The following PSKH1 variants were observed in gnomAD, a reference collection of about 807,000 sequenced individuals.
PSKH1 encodes the protein serine/threonine-protein kinase H1.
PSKH1 carries 12 observed loss-of-function variants against 26.7 expected under a neutral mutation model. That is an observed-to-expected ratio of 0.45 (90% confidence interval 0.29 to 0.73). The LOEUF (loss-of-function observed/expected upper bound fraction) is 0.73. Ranked by LOEUF, PSKH1 falls within the 30% of genes least tolerant of loss-of-function variation. The pLI is 0.11. For synonymous variants in PSKH1, 213 were observed against 234.3 expected, an observed-to-expected ratio of 0.91 and a Z score of 0.83; for missense variants, 431 against 595.2, an observed-to-expected ratio of 0.72 and a Z score of 2.87.
rs770694440 is a variant in PSKH1 at position 67,909,369 on chromosome 16, G to A, written c.620G>A (p.Arg207Gln). 12 of 1,613,906 alleles carry A rather than the reference G, an allele frequency of 7.4e-6. 1 individual carries two copies. The highest frequency in any genetic ancestry group is 6.6e-5 in the South Asian group (6 of 91,074). The part of the protein sequence containing the change: ...RVLQMVLDGV[R>Q]YLHALGITHR... ...CTGCAGATGGTGCTGGATGGCGTCC[G>A]GTATCTGCATGCACTGGGCATCACA... The change falls in exon 2 of 3, where the codon CGG (arginine) becomes CAG (glutamine). Residue 207 changes from arginine (R) to glutamine (Q), a missense_variant. Coordinates refer to ENST00000291041, the MANE Select transcript of PSKH1 (RefSeq NM_006742.3). The surrounding 1 kb of genome is among the most constrained non-coding windows in gnomAD (Gnocchi z 7.8).
In PSKH1 at chr16:67,908,735, G is replaced by A; in HGVS notation, c.-15G>A. On this transcript the variant is annotated 5_prime_UTR_variant, in exon 2 of 3. It removes an upstream start codon present in the reference 5' UTR. Coordinates refer to ENST00000291041, the MANE Select transcript of PSKH1 (RefSeq NM_006742.3). ...TCCTGCCAGCCTCGCTGGAGAGGATGCCCTCGTGTCCGTGATGGGCTGTGG... is the reference window on the plus strand; with the variant it reads ...TCCTGCCAGCCTCGCTGGAGAGGATACCCTCGTGTCCGTGATGGGCTGTGG... 1.3e-6 allele frequency: 2 copies of A among 1,561,446 alleles called. No individual in the cohort carries two copies. Among genetic ancestry groups the A allele is most frequent in the Non-Finnish European group, 1.7e-6 (2 of 1,149,740 alleles).
chr16:67,900,862 T>C (rs776236790), intron 1 of PSKH1, among the ~76,000 whole-genome samples: 1 of 152,122 alleles, frequency 6.6e-6, no homozygotes, highest in Non-Finnish European at 1.5e-5. Flanking sequence ...TGAAGCTTCC[T>C]TACTCATCCT....
intron 1 of PSKH1, among the ~76,000 whole-genome samples, chr16:67,894,877 G>A (rs2058121640): frequency 6.6e-6 from 1 of 151,276 alleles, no homozygotes; most frequent in South Asian, 2.1e-4. Context: ...AATCTCCTGG[G>A]ATAATTTTGT....
chr16:67,902,259 CAAAA>C (rs1033235931), intron 1 of PSKH1, among the ~76,000 whole-genome samples: 1 of 126,856 alleles, frequency 7.9e-6, no homozygotes, highest in East Asian at 2.2e-4. Context: ...GACTCCATCT[CAAAA>C]AAAAAAAAAG....
chr16:67,919,298 CTT>C (rs1178443652), intron 2 of PSKH1, among the ~76,000 whole-genome samples: 1 of 152,232 alleles, frequency 6.6e-6, no homozygotes, highest in Non-Finnish European at 1.5e-5. Flanking sequence ...GCTCAACTCT[CTT>C]CTCACTGACC....
intron 1 of PSKH1, among the ~76,000 whole-genome samples, chr16:67,900,604 T>C (rs1192945637): frequency 6.6e-6 from 1 of 152,150 alleles, no homozygotes; most frequent in Non-Finnish European, 1.5e-5. Context: ...CCAGGATATT[T>C]GGTCACCACC....
chr16:67,897,035 A>G (rs1444784201), intron 1 of PSKH1, among the ~76,000 whole-genome samples: 2 of 152,174 alleles, frequency 1.3e-5, no homozygotes, highest in Non-Finnish European at 2.9e-5. Flanking sequence ...AATATGGGCA[A>G]CTTAGGTCCT....
At chr16:67,908,102 C>T (rs1458012613) in intron 1 of PSKH1, among the ~76,000 whole-genome samples, 1 of 152,168 alleles carries the variant, frequency 6.6e-6, no homozygotes. Flanking sequence ...ATGCGTGTTC[C>T]TGCCCCCTCT....
At chr16:67,897,570 G>A (rs542973980) in intron 1 of PSKH1, among the ~76,000 whole-genome samples, 5 of 152,274 alleles carry the variant, frequency 3.3e-5, no homozygotes, top group South Asian at 2.1e-4. Flanking sequence ...GACTATGGCC[G>A]CCTTCTTTTT....
chr16:67,905,301 C>T (rs1429287244), intron 1 of PSKH1, among the ~76,000 whole-genome samples: 1 of 152,180 alleles, frequency 6.6e-6, no homozygotes, highest in Non-Finnish European at 1.5e-5. Flanking sequence ...TGCTGACCTT[C>T]TATAACTTCA....
intron 2 of PSKH1, among the ~76,000 whole-genome samples, chr16:67,912,666 C>T (rs1462825032): frequency 3.9e-5 from 6 of 152,008 alleles, no homozygotes; most frequent in East Asian, 1.9e-4. Context: ...GTTGGGAGTT[C>T]GAGACCAGCC....
rs1567399100 is a variant in PSKH1 at position 67,908,732 on chromosome 16, G to T, written c.-18G>T. ...AGGTCCTGCCAGCCTCGCTGGAGAG[G>T]ATGCCCTCGTGTCCGTGATGGGCTG... On this transcript the variant is annotated 5_prime_UTR_variant, in exon 2 of 3. Transcript: ENST00000291041. The T allele has an allele frequency of 6.4e-7, 1 of 1,559,530 alleles. No individual in the cohort carries two copies. The highest frequency in any genetic ancestry group is 2.3e-5 in the East Asian group (1 of 44,368).
In PSKH1 at chr16:67,909,808, G is replaced by A. The variant is rs1261612606; in HGVS notation, c.957+102G>A. On this transcript the variant is annotated intron_variant, in intron 2 of 2. Transcript: ENST00000291041. The surrounding 1 kb of genome is among the most constrained non-coding windows in gnomAD (Gnocchi z 7.8). The stretch of plus-strand genomic sequence containing the variant: ...GAGGTATGTCCTCAGGGCCATGCTC[G>A]TGAGGGCCAGGCAGGTCATATAAAA... 21 of 1,084,018 alleles carry A rather than the reference G, an allele frequency of 1.9e-5. No individual in the cohort carries two copies. The East Asian group carries it at 3.9e-4, about 20-fold the overall frequency. The allele number at this position is 1,084,018 out of a possible 1,614,324, so 67.1% of individuals were successfully genotyped here.
At chr16:67,915,935 A>T (rs1180886553) in intron 2 of PSKH1, among the ~76,000 whole-genome samples, 1 of 152,202 alleles carries the variant, frequency 6.6e-6, no homozygotes, top group African/African-American at 2.4e-5. Flanking sequence ...TTGCCTGGGG[A>T]GAAGGAACTA....
chr16:67,893,259 G>T lies in PSKH1; in HGVS notation c.-183G>T, dbSNP rs1189874528. On this transcript the variant is annotated 5_prime_UTR_variant, in exon 1 of 3. Transcript: ENST00000291041. Reference sequence around the variant, plus strand: ...CAGCTGCGCGCTGTGATGACGCCACGACGCTAACGCCCGAGAATGGCGGCG... The same window carrying T: ...CAGCTGCGCGCTGTGATGACGCCACTACGCTAACGCCCGAGAATGGCGGCG... The T allele has an allele frequency of 1.3e-5, 2 of 156,262 alleles. No individual in the cohort carries two copies. The highest frequency in any genetic ancestry group is 1.8e-4 in the South Asian group (1 of 5,604). The allele number at this position is 156,262 out of a possible 1,614,324, so 9.7% of individuals were successfully genotyped here.
At chr16:67,907,823 G>A (rs960905838) in intron 1 of PSKH1, among the ~76,000 whole-genome samples, 1 of 152,116 alleles carries the variant, frequency 6.6e-6, no homozygotes, top group Non-Finnish European at 1.5e-5. Flanking sequence ...GTGGTTTGTT[G>A]CTTGTTACAG....
At chr16:67,921,009 G>T (rs1344024521) in intron 2 of PSKH1, among the ~76,000 whole-genome samples, 1 of 151,678 alleles carries the variant, frequency 6.6e-6, no homozygotes, top group African/African-American at 2.4e-5. Context: ...GGCTGGGCAC[G>T]GTGGCTCACA....
At chr16:67,919,197 T>C (rs2058195507) in intron 2 of PSKH1, among the ~76,000 whole-genome samples, 1 of 152,166 alleles carries the variant, frequency 6.6e-6, no homozygotes, top group South Asian at 2.1e-4. Flanking sequence ...GGGGAGCGTG[T>C]TTCCTGGCTT....
intron 2 of PSKH1, among the ~76,000 whole-genome samples, chr16:67,914,624 T>G (rs1171205365): frequency 6.6e-6 from 1 of 152,054 alleles, no homozygotes; most frequent in African/African-American, 2.4e-5. Context: ...CCGGCTAATT[T>G]TTGTATTTTA....
Sources: gnomAD v4.1 joint callset for allele counts (sites outside exome capture counted in the v4.1 genomes callset) on GRCh38, gnomAD v4.1.1 for gene constraint, Gnocchi (gnomAD v3.1) non-coding constraint, MANE v1.5 for transcripts, NCBI Gene and HGNC (gene_info 2026-07-23, HGNC 2026-07-21) for gene names.